MBOAT1: variants seen among roughly 807,000 people sequenced by gnomAD.
MBOAT1 encodes membrane bound glycerophospholipid O-acyltransferase 1, also known as membrane-bound glycerophospholipid O-acyltransferase 1.
Under a neutral mutation model 64.4 loss-of-function variants are expected in MBOAT1, and 67 were observed. The ratio of observed to expected loss-of-function variants is 1.04; its 90% CI spans 0.85 to 1.27. MBOAT1 has a LOEUF of 1.27. MBOAT1 is among the 50% of genes most tolerant of loss of function. The probability of loss-of-function intolerance (pLI) is 0.00; values close to 1 mark genes in which losing one functional copy is unlikely to be tolerated. For missense variants in MBOAT1, 563 were observed against 604.6 expected (o/e 0.93, Z 0.72); for synonymous variants, 229 against 218.9 (o/e 1.05, Z -0.41).
chr6:20,146,540 T>A (rs184666053), intron 3 of MBOAT1, among the ~76,000 whole-genome samples: 1 of 152,328 alleles, frequency 6.6e-6, no homozygotes, highest in East Asian at 1.9e-4. Context: ...AGAAGTGGAA[T>A]GAAGTTAGGC....
At chr6:20,155,430 CA>C (rs1434668502) in intron 1 of MBOAT1, among the ~76,000 whole-genome samples, 2 of 152,164 alleles carry the variant, frequency 1.3e-5, no homozygotes, top group African/African-American at 4.8e-5. Context: ...TGTGAAATAA[CA>C]GTAAGACACT....
chr6:20,207,783 G>A (rs1216944678), intron 1 of MBOAT1, among the ~76,000 whole-genome samples: 2 of 152,204 alleles, frequency 1.3e-5, no homozygotes, highest in African/African-American at 4.8e-5. Flanking sequence ...AATTCTACAT[G>A]AGTCCAGCAT....
At chr6:20,119,772 A>T (rs1215673535) in intron 8 of MBOAT1, among the ~76,000 whole-genome samples, 1 of 152,202 alleles carries the variant, frequency 6.6e-6, no homozygotes, top group African/African-American at 2.4e-5. Flanking sequence ...CCTGTAAGAA[A>T]CTAATGGTTT....
At chr6:20,206,756 T>A in intron 1 of MBOAT1, among the ~76,000 whole-genome samples, 1 of 152,052 alleles carries the variant, frequency 6.6e-6, no homozygotes, top group East Asian at 1.9e-4. Flanking sequence ...AGAAGGACAA[T>A]CCATCAAATA....
chr6:20,208,531 G>A (rs962281368), intron 1 of MBOAT1, among the ~76,000 whole-genome samples: 12 of 151,458 alleles, frequency 7.9e-5, no homozygotes, highest in East Asian at 3.9e-4. Flanking sequence ...GGAATGCCAC[G>A]TCTTTAAAGC....
intron 1 of MBOAT1, among the ~76,000 whole-genome samples, chr6:20,197,644 T>C (rs993826143): frequency 2.6e-5 from 4 of 152,222 alleles, no homozygotes; most frequent in Non-Finnish European, 5.9e-5. Context: ...CTCCCCTGCT[T>C]TGAGTTGTCC....
chr6:20,102,084 C>T lies in MBOAT1; in HGVS notation c.*202G>A, dbSNP rs1323491819. On this transcript the variant is annotated 3_prime_UTR_variant, in exon 13 of 13. Transcript: ENST00000324607. ...GAGCCGAGATCCCGCCACTGCACTC[C>T]AGCCTGGGCGACAGAGCGAGACTCC... 3.5e-6 allele frequency: 1 copy of T among 288,414 alleles called. No individual in the cohort carries two copies. Among genetic ancestry groups the T allele is most frequent in the East Asian group, 8.6e-5 (1 of 11,630 alleles). The allele number at this position is 288,414 out of a possible 1,614,324, so 17.9% of individuals were successfully genotyped here. A position where few individuals can be genotyped will look rare whatever the true frequency, so the allele number is the denominator to read the frequency against.
At chr6:20,110,391 T>A (rs1046867294) in intron 11 of MBOAT1, among the ~76,000 whole-genome samples, 1 of 151,698 alleles carries the variant, frequency 6.6e-6, no homozygotes, top group African/African-American at 2.4e-5. Context: ...TTTTAAAAAA[T>A]TTTTGTAGAG....
chr6:20,206,782 C>A (rs72826638), intron 1 of MBOAT1, among the ~76,000 whole-genome samples: 20,289 of 152,122 alleles, frequency 0.13, 2,010 homozygotes, highest in East Asian at 0.52. Context: ...ACCCCAGTTC[C>A]CCTGCTTGCT....
intron 3 of MBOAT1, among the ~76,000 whole-genome samples, chr6:20,150,855 T>C (rs1761473055): frequency 1.3e-5 from 2 of 152,140 alleles, no homozygotes; most frequent in Admixed American, 1.3e-4. Context: ...GTGCTGGGAT[T>C]ACAGGTGTGA....
chr6:20,185,454 T>C (rs750746921), intron 1 of MBOAT1, among the ~76,000 whole-genome samples: 32 of 152,296 alleles, frequency 2.1e-4, no homozygotes, highest in South Asian at 4.1e-4. Flanking sequence ...ATCCAATCAA[T>C]TGAAGGCCTT....
At chr6:20,115,821 G>C (rs186775793) in intron 9 of MBOAT1, among the ~76,000 whole-genome samples, 1 of 152,076 alleles carries the variant, frequency 6.6e-6, no homozygotes, top group Non-Finnish European at 1.5e-5. Flanking sequence ...TCTATAAATA[G>C]CTACTCAGGT....
intron 3 of MBOAT1, among the ~76,000 whole-genome samples, chr6:20,145,100 C>T (rs1561761579): frequency 6.6e-6 from 1 of 152,164 alleles, no homozygotes; most frequent in Non-Finnish European, 1.5e-5. Context: ...GATTATGTCT[C>T]CCTAAAATTC....
At chr6:20,195,685 G>A (rs1762936833) in intron 1 of MBOAT1, among the ~76,000 whole-genome samples, 1 of 151,966 alleles carries the variant, frequency 6.6e-6, no homozygotes, top group Non-Finnish European at 1.5e-5. Flanking sequence ...ATGTTTATAT[G>A]TAACCATCTG....
Position 20,138,274 on chromosome 6 carries a change from C to T in MBOAT1, c.419+5946G>A, listed in dbSNP as rs137868659. ...ACTCAGTAATCACAGAACTGAATCACATGCAATTTTCAGGCGGATTTTTTT... is the reference window on the plus strand; with the variant it reads ...ACTCAGTAATCACAGAACTGAATCATATGCAATTTTCAGGCGGATTTTTTT... On this transcript the variant is annotated intron_variant, in intron 4 of 12. Transcript: ENST00000324607. Among the ~76,000 whole-genome samples the T allele has an allele frequency of 5.1e-3, 773 of 152,312 alleles. 10 individuals carry two copies. The highest frequency in any genetic ancestry group is 0.018 in the African/African-American group (731 of 41,564).
chr6:20,172,817 G>A (rs562762761), intron 1 of MBOAT1, among the ~76,000 whole-genome samples: 7 of 152,304 alleles, frequency 4.6e-5, no homozygotes, highest in East Asian at 1.9e-4. Context: ...GACAAAAAGC[G>A]TGATTTAGCT....
intron 1 of MBOAT1, among the ~76,000 whole-genome samples, chr6:20,185,286 G>C (rs922950345): frequency 6.6e-6 from 1 of 152,020 alleles, no homozygotes; most frequent in African/African-American, 2.4e-5. Flanking sequence ...AAATGTGATG[G>C]GTAATTTCAT....
chr6:20,190,792 G>A (rs1762780905), intron 1 of MBOAT1, among the ~76,000 whole-genome samples: 1 of 152,156 alleles, frequency 6.6e-6, no homozygotes, highest in Non-Finnish European at 1.5e-5. Flanking sequence ...GATAGGTAGG[G>A]ATATCAGGCA....
intron 11 of MBOAT1, among the ~76,000 whole-genome samples, chr6:20,112,020 G>T (rs77429928): frequency 0.062 from 9,269 of 150,216 alleles, 385 homozygotes; most frequent in East Asian, 0.13. Flanking sequence ...ATCTTCACAG[G>T]ATAAATGAAT....
Sources: gnomAD v4.1 joint callset for allele counts (sites outside exome capture counted in the v4.1 genomes callset) on GRCh38, gnomAD v4.1.1 for gene constraint, MANE v1.5 for transcripts, NCBI Gene and HGNC (gene_info 2026-07-23, HGNC 2026-07-21) for gene names.